MAPK14: variants seen among roughly 807,000 people sequenced by gnomAD.
The protein encoded by MAPK14 is mitogen-activated protein kinase 14, also known as CSAID-binding protein.
MAPK14 carries 16 observed loss-of-function variants against 49.6 expected under a neutral mutation model. The ratio of observed to expected loss-of-function variants is 0.32; its 90% CI spans 0.22 to 0.49. The LOEUF is 0.49. Ranked by LOEUF, MAPK14 falls within the 20% of genes least tolerant of loss-of-function variation. MAPK14 has a pLI of 0.99. For missense variants in MAPK14, 200 were observed against 441.2 expected, an observed-to-expected ratio of 0.45 and a Z score of 4.90; for synonymous variants, 142 against 158.0, an observed-to-expected ratio of 0.90 and a Z score of 0.76.
At chr6:36,033,252 T>C (rs924019355) in intron 1 of MAPK14, among the ~76,000 whole-genome samples, 2 of 152,216 alleles carry the variant, frequency 1.3e-5, no homozygotes, top group African/African-American at 4.8e-5. Context: ...TGTATAAAGA[T>C]TGTTTTAAGA....
intron 8 of MAPK14, chr6:36,092,699 G>T (rs187717459): frequency 3.2e-5 from 10 of 311,684 alleles, no homozygotes; most frequent in Non-Finnish European, 6.3e-5. Flanking sequence ...CCTCCAAAGT[G>T]TAGGGGTGAC....
chr6:36,073,610 T>G, intron 4 of MAPK14, 81 bp from the exon 5 acceptor site: 1 of 1,098,334 alleles, frequency 9.1e-7, no homozygotes, highest in Non-Finnish European at 1.4e-6. Context: ...TCTTACTGAT[T>G]CATGAAAATG....
At position 36,028,065 on chromosome 6, in the gene MAPK14, C is replaced by A; in HGVS notation, c.-93C>A. ...GGGCGACCAGCGCAAGGTCCCCGCC[C>A]GGCTGGGCGGGCAGCAAGGGCCGGG... On this transcript the variant is annotated 5_prime_UTR_variant, in exon 1 of 12. Transcript: ENST00000229794. This position sits in a 1 kb window ranked among gnomAD's most constrained non-coding sequence, Gnocchi z 5.1. 1 of 777,656 alleles carries A rather than the reference C, an allele frequency of 1.3e-6. No individual in the cohort carries two copies. Among genetic ancestry groups the A allele is most frequent in the Non-Finnish European group, 2.0e-6 (1 of 490,196 alleles). 48.2% of individuals were successfully genotyped at this position (777,656 alleles called of 1,614,324 possible).
At chr6:36,032,600 T>G (rs1762585178) in intron 1 of MAPK14, among the ~76,000 whole-genome samples, 1 of 152,210 alleles carries the variant, frequency 6.6e-6, no homozygotes, top group African/African-American at 2.4e-5. Flanking sequence ...GAGGTGACAG[T>G]TGAGAATTAC....
intron 3 of MAPK14, among the ~76,000 whole-genome samples, chr6:36,068,417 G>A (rs1042413198): frequency 2.6e-5 from 4 of 152,148 alleles, no homozygotes; most frequent in Non-Finnish European, 5.9e-5. Flanking sequence ...GGAGTGCCCT[G>A]ATCTGAGTTT....
At chr6:36,058,559 T>C (rs1164193824) in intron 2 of MAPK14, among the ~76,000 whole-genome samples, 3 of 152,324 alleles carry the variant, frequency 2.0e-5, no homozygotes, top group Non-Finnish European at 4.4e-5. Context: ...TATGATGTGA[T>C]GTTATGGAAC....
Position 36,076,607 on chromosome 6 carries a change from C to T in MAPK14, c.681C>T (p.Asp227=), listed in dbSNP as rs1764541004. The T allele has an allele frequency of 1.2e-6, 2 of 1,612,980 alleles. No individual in the cohort carries two copies. Among genetic ancestry groups the T allele is most frequent in the East Asian group, 4.5e-5 (2 of 44,872 alleles). The change falls in exon 8 of 12, where the codon GAC becomes GAT. Residue 227 remains aspartate (D), a splice_region_variant and synonymous_variant. Coordinates refer to ENST00000229794, the MANE Select transcript of MAPK14 (RefSeq NM_139012.3). Reference sequence around the variant, plus strand: ...GAAGAACATTGTTTCCTGGTACAGACCGTATCCTTTAAAAAGTTTTGGATT... The same window carrying T: ...GAAGAACATTGTTTCCTGGTACAGATCGTATCCTTTAAAAAGTTTTGGATT... The part of the protein sequence containing the change: ...LTGRTLFPGT[D]HIDQLKLILR...
At chr6:36,078,736 A>G (rs542363101) in intron 8 of MAPK14, among the ~76,000 whole-genome samples, 1 of 152,200 alleles carries the variant, frequency 6.6e-6, no homozygotes, top group East Asian at 1.9e-4. Context: ...TCTCTCCTGG[A>G]TTGTAAAAGT....
chr6:36,034,894 T>C (rs566669041), intron 1 of MAPK14, among the ~76,000 whole-genome samples: 3 of 142,972 alleles, frequency 2.1e-5, no homozygotes, highest in African/African-American at 8.2e-5. Flanking sequence ...TATTTCTTTC[T>C]TTCTTTTTTT....
intron 10 of MAPK14, 119 bp downstream of exon 10, chr6:36,102,768 G>C (rs1357434421): frequency 3.2e-6 from 5 of 1,544,736 alleles, no homozygotes; most frequent in Non-Finnish European, 3.5e-6. Flanking sequence ...AATCTTGGAA[G>C]GTGATAAATA....
chr6:36,041,808 A>G (rs1034504834), intron 1 of MAPK14, among the ~76,000 whole-genome samples: 3 of 152,242 alleles, frequency 2.0e-5, no homozygotes, highest in African/African-American at 7.2e-5. Context: ...TACTGTAGTG[A>G]AGGAAATTTG....
At chr6:36,104,397 T>C (rs115534589) in intron 10 of MAPK14, among the ~76,000 whole-genome samples, 1,888 of 151,318 alleles carry the variant, frequency 0.012, 45 homozygotes, top group African/African-American at 0.043. Context: ...TTTCTTTCCT[T>C]TTTTTTTTGA....
intron 1 of MAPK14, among the ~76,000 whole-genome samples, chr6:36,040,904 A>C (rs140011546): frequency 5.0e-4 from 76 of 152,344 alleles, no homozygotes; most frequent in African/African-American, 1.8e-3. Context: ...AAGGAGCAAG[A>C]AGTAGTACAT....
At position 36,108,587 on chromosome 6, in the gene MAPK14, C is replaced by T; in HGVS notation, c.*140C>T. ...AAGGGGGTGTGCGTGCGTGTGCGTG[C>T]GTGTTAGTGTGTGTGCATGTGTGTG... On this transcript the variant is annotated 3_prime_UTR_variant, in exon 12 of 12. Transcript: ENST00000229794. The T allele has an allele frequency of 3.1e-6, 2 of 654,336 alleles. No homozygotes were observed. Among genetic ancestry groups the T allele is most frequent in the Non-Finnish European group, 5.6e-6 (2 of 358,392 alleles). 40.5% of individuals were successfully genotyped at this position (654,336 alleles called of 1,614,324 possible). A position where few individuals can be genotyped will look rare whatever the true frequency, so the allele number is the denominator to read the frequency against.
the MAPK14 span, among the ~76,000 whole-genome samples, chr6:36,119,780 G>T: frequency 1.3e-5 from 2 of 152,040 alleles, no homozygotes; most frequent in African/African-American, 2.4e-5. Context: ...CCCACAACGA[G>T]GAATTACCCA....
chr6:36,092,815 G>A (rs1765291860), intron 8 of MAPK14, among the ~76,000 whole-genome samples: 1 of 152,164 alleles, frequency 6.6e-6, no homozygotes, highest in African/African-American at 2.4e-5. Flanking sequence ...GATGTGCCAT[G>A]GCTCATCTTT....
At chr6:36,066,540 G>T (rs1764064811) in intron 3 of MAPK14, among the ~76,000 whole-genome samples, 1 of 152,096 alleles carries the variant, frequency 6.6e-6, no homozygotes, top group African/African-American at 2.4e-5. Context: ...GTGGAGAAAA[G>T]CCTCTAAAGA....
chr6:36,092,566 C>T (rs1765279580), intron 8 of MAPK14: 1 of 477,506 alleles, frequency 2.1e-6, no homozygotes, highest in Admixed American at 2.7e-5. Flanking sequence ...TCAAGTTTGA[C>T]CCATTTTCCT....
At chr6:36,047,163 C>G (rs1290287943) in intron 1 of MAPK14, among the ~76,000 whole-genome samples, 2 of 152,176 alleles carry the variant, frequency 1.3e-5, no homozygotes, top group Admixed American at 1.3e-4. Context: ...CCACCACCCT[C>G]TTTTATGTGA....
Sources: gnomAD v4.1 joint callset for allele counts (sites outside exome capture counted in the v4.1 genomes callset) on GRCh38, gnomAD v4.1.1 for gene constraint, Gnocchi (gnomAD v3.1) non-coding constraint, MANE v1.5 for transcripts, NCBI Gene and HGNC (gene_info 2026-07-23, HGNC 2026-07-21) for gene names.